Variants in NFATC1 observed in about 807,000 individuals in gnomAD.
NFATC1 encodes nuclear factor of activated T cells 1, also known as nuclear factor of activated T-cells, cytoplasmic 1.
A neutral mutation model predicts 76.0 loss-of-function variants in NFATC1; 22 were observed. The observed-to-expected ratio is 0.29, with a 90% CI of 0.21 to 0.41. NFATC1 has a LOEUF of 0.41. Among genes scored for constraint, NFATC1 ranks in the 10% least tolerant of loss-of-function variants. The pLI is 1.00. For synonymous variants in NFATC1, 704 were observed against 613.1 expected (o/e 1.15, Z -2.19); for missense variants, 1,357 against 1,337.7 (o/e 1.01, Z -0.23).
Position 79,428,354 on chromosome 18 carries a change from C to T in NFATC1, c.1227-5225C>T, listed in dbSNP as rs182503994. Among the ~76,000 whole-genome samples the T allele has an allele frequency of 2.6e-3, 401 of 152,328 alleles. 3 individuals are homozygous for T. Among genetic ancestry groups the T allele is most frequent in the African/African-American group, 9.0e-3 (373 of 41,570 alleles). On this transcript the variant is annotated intron_variant, in intron 2 of 9. Transcript: ENST00000427363. ...ATCGTGTAAAGATGCAAACAGCAGGCCAGAAAACTGCCTTGATATATCACA... is the reference window on the plus strand; with the variant it reads ...ATCGTGTAAAGATGCAAACAGCAGGTCAGAAAACTGCCTTGATATATCACA...
At chr18:79,497,926 A>G (rs1199604579) in intron 9 of NFATC1, 2 of 152,130 alleles carry the variant, frequency 1.3e-5, no homozygotes, top group Non-Finnish European at 2.9e-5. Flanking sequence ...ATTTAAAAAC[A>G]GAGAGAACAG....
intron 9 of NFATC1, among the ~76,000 whole-genome samples, chr18:79,514,401 C>G (rs887126741): frequency 6.6e-6 from 1 of 151,538 alleles, no homozygotes; most frequent in African/African-American, 2.4e-5. Flanking sequence ...ATGGTGAAAT[C>G]CCACCTCTAC....
intron 8 of NFATC1, among the ~76,000 whole-genome samples, chr18:79,478,259 T>C (rs2089155136): frequency 2.6e-5 from 4 of 152,040 alleles, no homozygotes; most frequent in African/African-American, 9.7e-5. Context: ...TGCCGATTTT[T>C]ATTCTCAGAT....
At chr18:79,431,600 A>T (rs971505306) in intron 2 of NFATC1, among the ~76,000 whole-genome samples, 1 of 151,958 alleles carries the variant, frequency 6.6e-6, no homozygotes, top group East Asian at 1.9e-4. Context: ...CATGTTGCCC[A>T]GGCTGGTCTC....
intron 8 of NFATC1, among the ~76,000 whole-genome samples, chr18:79,471,362 G>C (rs1055451568): frequency 5.3e-5 from 8 of 152,224 alleles, no homozygotes; most frequent in Non-Finnish European, 7.3e-5. Context: ...CAAGCAGGCA[G>C]GGCCGGGAAT....
rs376173313 is a variant in NFATC1, at chr18:79,486,553, G to C, written c.2398G>C (p.Val800Leu). 1 of 1,594,412 alleles carries C rather than the reference G, an allele frequency of 6.3e-7. No homozygotes were observed. Among genetic ancestry groups the C allele is most frequent in the African/African-American group, 1.3e-5 (1 of 74,702 alleles). The change falls in exon 9 of 10, where the codon GTC becomes CTC. Residue 800 changes from valine to leucine, a missense_variant. Physicochemically the swap from Val to Leu is conservative, Grantham distance 32 (BLOSUM62 1). This residue lies in a region of NFATC1 where 424 missense variants were observed against 395.4 expected (regional missense o/e 1.07). Transcript: ENST00000427363. ...LPQPAGEAPAVQDVPRPVATH... is the reference protein window; with the variant it reads ...LPQPAGEAPALQDVPRPVATH... The stretch of plus-strand genomic sequence containing the variant: ...GCAGCCGGCCGGAGAGGCCCCCGCC[G>C]TCCAGGACGTGCCCAGGCCAGTGGC...
chr18:79,492,708 CAAAAA>C (rs71338048), intron 9 of NFATC1, among the ~76,000 whole-genome samples: 1 of 118,872 alleles, frequency 8.4e-6, no homozygotes, highest in Non-Finnish European at 1.7e-5. Flanking sequence ...GACTCCATCT[CAAAAA>C]AAAAAAAAAG....
intron 6 of NFATC1, among the ~76,000 whole-genome samples, chr18:79,455,395 C>T (rs969020242): frequency 4.0e-5 from 6 of 151,150 alleles, no homozygotes; most frequent in Non-Finnish European, 5.9e-5. Flanking sequence ...GTCTCCTTCT[C>T]CAGGTAATCA....
chr18:79,415,492 C>T (rs982325108), intron 2 of NFATC1, among the ~76,000 whole-genome samples: 4 of 151,696 alleles, frequency 2.6e-5, no homozygotes, highest in African/African-American at 9.7e-5. Flanking sequence ...CCATGTTAGC[C>T]AGGATGGTCT....
In NFATC1 at chr18:79,448,826, C is replaced by T. The variant is rs1235657448; in HGVS notation, c.1431C>T (p.Phe477=). The T allele has an allele frequency of 1.9e-6, 3 of 1,613,862 alleles. No homozygotes were observed. In the African/African-American group the frequency reaches 4.0e-5, roughly 22 times the overall value. Residue 477 remains phenylalanine (F), a synonymous_variant, in exon 4 of 10, where the codon TTC becomes TTT. Coordinates refer to ENST00000427363, the MANE Select transcript of NFATC1 (RefSeq NM_001278669.2). ...ATGAGCCGCTGATGCTGCAGCTTTT[C>T]ATTGGGACGGCGGACGACCGCCTGC... The part of the protein sequence containing the change: ...LENEPLMLQL[F]IGTADDRLLR...
chr18:79,481,824 G>A (rs550409459), intron 8 of NFATC1, among the ~76,000 whole-genome samples: 1 of 143,838 alleles, frequency 7.0e-6, no homozygotes, highest in African/African-American at 2.9e-5. Context: ...TTCCTGAGGT[G>A]TAATTCCAGC....
At position 79,492,613 on chromosome 18, in the gene NFATC1, A is replaced by G. The variant is rs551029463; in HGVS notation, c.2782+5676A>G. 3.6e-4 allele frequency among the ~76,000 whole-genome samples: 55 copies of G among 152,098 alleles called. 1 individual carries two copies. In the South Asian group the frequency reaches 8.3e-3, roughly 23 times the overall value. ...AGTCCCAGCCACTCGGGAGGCTGAG[A>G]CAGGAGAATGGCGTGAACCTGGGAG... is the stretch of plus-strand genomic sequence containing the variant. On this transcript the variant is annotated intron_variant, in intron 9 of 9. Coordinates refer to ENST00000427363, the MANE Select transcript of NFATC1 (RefSeq NM_001278669.2).
chr18:79,445,977 G>T (rs141085062), intron 3 of NFATC1, among the ~76,000 whole-genome samples: 1 of 152,190 alleles, frequency 6.6e-6, no homozygotes, highest in Non-Finnish European at 1.5e-5. Flanking sequence ...ACATTGTAAC[G>T]TGTAGGAGAC....
intron 2 of NFATC1, among the ~76,000 whole-genome samples, chr18:79,427,635 T>C: frequency 1.1e-5 from 1 of 90,684 alleles, no homozygotes; most frequent in Non-Finnish European, 2.0e-5. Context: ...AGCTGGCCTC[T>C]GTGCGGTGGA....
At chr18:79,511,065 C>T (rs1281524895) in intron 9 of NFATC1, among the ~76,000 whole-genome samples, 2 of 152,196 alleles carry the variant, frequency 1.3e-5, no homozygotes, top group African/African-American at 2.4e-5. Flanking sequence ...CTGGGCCAGC[C>T]CCGCTGATTC....
At chr18:79,408,815 A>G (rs1409105789) in intron 1 of NFATC1, among the ~76,000 whole-genome samples, 1 of 151,702 alleles carries the variant, frequency 6.6e-6, no homozygotes, top group African/African-American at 2.4e-5. Flanking sequence ...TTCCCTATCC[A>G]TTCATTCATC....
intron 6 of NFATC1, among the ~76,000 whole-genome samples, chr18:79,457,421 C>T (rs945527975): frequency 6.6e-6 from 1 of 152,190 alleles, no homozygotes; most frequent in African/African-American, 2.4e-5. Context: ...GGAGGCCACG[C>T]GTCACGTCAG....
At chr18:79,473,818 C>T (rs576057557) in intron 8 of NFATC1, among the ~76,000 whole-genome samples, 13 of 145,982 alleles carry the variant, frequency 8.9e-5, no homozygotes, top group East Asian at 8.2e-4. Context: ...TCACTGTTGA[C>T]GTAAACCTGA....
intron 7 of NFATC1, 115 bp from the exon 8 acceptor site, chr18:79,467,331 AAACG>A: frequency 1.0e-6 from 1 of 990,032 alleles, no homozygotes; most frequent in Admixed American, 2.5e-5. Flanking sequence ...GCCGCCGTGG[AAACG>A]CGGGGTTGCC....
Sources: gnomAD v4.1 joint callset for allele counts (sites outside exome capture counted in the v4.1 genomes callset) on GRCh38, gnomAD v4.1.1 for gene constraint, gnomAD v4.1.1 regional missense constraint, MANE v1.5 for transcripts, NCBI Gene and HGNC (gene_info 2026-07-23, HGNC 2026-07-21) for gene names.